Variants in NREP observed in about 807,000 individuals in gnomAD.
The protein encoded by NREP is neuronal regeneration related protein.
Under a neutral mutation model 8.6 loss-of-function variants are expected in NREP, and 5 were observed. The ratio of observed to expected loss-of-function variants is 0.58; its 90% CI spans 0.30 to 1.22. The LOEUF (loss-of-function observed/expected upper bound fraction) is 1.22, where lower values mean the gene tolerates loss of function less well. NREP is among the 50% of genes most tolerant of loss of function. The probability of loss-of-function intolerance (pLI) is 0.07; values close to 1 mark genes in which losing one functional copy is unlikely to be tolerated. For missense variants in NREP, 86 were observed against 82.5 expected (o/e 1.04, Z -0.17); for synonymous variants, 27 against 28.0 (o/e 0.96, Z 0.11).
intron 2 of NREP, among the ~76,000 whole-genome samples, chr5:111,888,790 G>T (rs977517132): frequency 6.6e-6 from 1 of 152,152 alleles, no homozygotes. Context: ...GAGATGGATT[G>T]AGCTGTATTT....
At chr5:111,941,598 T>C (rs1755831644) in intron 2 of NREP, among the ~76,000 whole-genome samples, 1 of 152,074 alleles carries the variant, frequency 6.6e-6, no homozygotes, top group South Asian at 2.1e-4. Context: ...TCTGAAGTAT[T>C]AGGGGGTTAG....
chr5:111,943,611 C>G (rs1207759928), intron 2 of NREP, among the ~76,000 whole-genome samples: 1 of 152,048 alleles, frequency 6.6e-6, no homozygotes. Context: ...GAAGCTATGC[C>G]TCTTTTTACA....
At chr5:111,734,508 A>C (rs1748920525) in intron 3 of NREP, 1 of 419,230 alleles carries the variant, frequency 2.4e-6, no homozygotes, top group Admixed American at 4.2e-5. Context: ...GCAAGATTAA[A>C]AGTGATTTAA....
rs371372176 is a variant in NREP, at chr5:111,811,716, T to A, written c.136-76209A>T. 8.1e-4 allele frequency among the ~76,000 whole-genome samples: 124 copies of A among 152,322 alleles called. 3 individuals carry two copies. The South Asian group carries it at 0.025, about 31-fold the overall frequency. ...TAGCAAAACTTTTGTTCAGAACTAATGTTAAACTGAAGCTCAGATGTGGTT... is the reference window on the plus strand; with the variant it reads ...TAGCAAAACTTTTGTTCAGAACTAAAGTTAAACTGAAGCTCAGATGTGGTT... On this transcript the variant is annotated intron_variant, in intron 2 of 3. Transcript: ENST00000395634.
chr5:111,967,629 G>A (rs1447663835), intron 2 of NREP, among the ~76,000 whole-genome samples: 8 of 151,738 alleles, frequency 5.3e-5, no homozygotes, highest in Non-Finnish European at 8.8e-5. Flanking sequence ...GCCTCTGCCC[G>A]GCCCCCGCCC....
At chr5:111,912,064 C>T (rs1193510228) in intron 2 of NREP, among the ~76,000 whole-genome samples, 1 of 152,070 alleles carries the variant, frequency 6.6e-6, no homozygotes, top group Admixed American at 6.6e-5. Context: ...TTTAGGAGAA[C>T]CAGCTTCTCT....
intron 2 of NREP, among the ~76,000 whole-genome samples, chr5:111,957,166 AAG>A (rs148766703): frequency 0.026 from 3,956 of 151,026 alleles, 78 homozygotes; most frequent in Non-Finnish European, 0.043. Flanking sequence ...GAAAGAGCAA[AAG>A]AGAGAGAGAG....
At chr5:111,829,354 G>T (rs1033493882) in intron 2 of NREP, among the ~76,000 whole-genome samples, 1 of 152,160 alleles carries the variant, frequency 6.6e-6, no homozygotes, top group Non-Finnish European at 1.5e-5. Context: ...GCAGGGGGAG[G>T]CTGGAGTCAG....
chr5:111,877,801 T>G (rs1753946323), intron 2 of NREP, among the ~76,000 whole-genome samples: 1 of 147,902 alleles, frequency 6.8e-6, no homozygotes, highest in Non-Finnish European at 1.5e-5. Flanking sequence ...GGGCCCTAAT[T>G]GAACTCTCAG....
At chr5:111,921,019 T>C (rs983088723) in intron 2 of NREP, among the ~76,000 whole-genome samples, 3 of 152,132 alleles carry the variant, frequency 2.0e-5, no homozygotes, top group African/African-American at 7.2e-5. Context: ...ATCTCTTAGG[T>C]TGCTCTTTGC....
intron 2 of NREP, among the ~76,000 whole-genome samples, chr5:111,821,655 T>TA (rs1397150435): frequency 6.6e-6 from 1 of 152,178 alleles, no homozygotes; most frequent in East Asian, 1.9e-4. Context: ...AGCCTGTTTT[T>TA]AAAAAAACAA....
chr5:111,883,762 T>C (rs1754152493), intron 2 of NREP, among the ~76,000 whole-genome samples: 1 of 152,102 alleles, frequency 6.6e-6, no homozygotes, highest in Admixed American at 6.5e-5. Context: ...ATAAAGATGT[T>C]CTTTGAAACC....
intron 2 of NREP, among the ~76,000 whole-genome samples, chr5:111,791,868 C>T (rs1224111531): frequency 3.3e-5 from 5 of 152,142 alleles, no homozygotes; most frequent in East Asian, 1.9e-4. Flanking sequence ...GGCTATGTTT[C>T]GAACTGCCTC....
chr5:111,743,084 G>T (rs1465888172), intron 2 of NREP, among the ~76,000 whole-genome samples: 2 of 152,090 alleles, frequency 1.3e-5, no homozygotes, highest in Non-Finnish European at 2.9e-5. Context: ...AGTAAACCAG[G>T]AGAAAAAGCA....
intron 2 of NREP, among the ~76,000 whole-genome samples, chr5:111,914,961 G>A (rs1398962939): frequency 6.6e-6 from 1 of 152,068 alleles, no homozygotes; most frequent in African/African-American, 2.4e-5. Flanking sequence ...CTTGAACTAT[G>A]TCTATGCATT....
At chr5:111,927,351 C>CA (rs1755417299) in intron 2 of NREP, among the ~76,000 whole-genome samples, 1 of 151,986 alleles carries the variant, frequency 6.6e-6, no homozygotes, top group South Asian at 2.1e-4. Flanking sequence ...ACATGATAAG[C>CA]AATCCAAAAA....
chr5:111,775,492 C>T (rs1751336032), intron 2 of NREP, among the ~76,000 whole-genome samples: 1 of 152,120 alleles, frequency 6.6e-6, no homozygotes, highest in Admixed American at 6.6e-5. Flanking sequence ...AAGTTTGCAA[C>T]ACAGCAGCCC....
intron 2 of NREP, among the ~76,000 whole-genome samples, chr5:111,801,508 T>A (rs1248578167): frequency 6.6e-6 from 1 of 152,214 alleles, no homozygotes; most frequent in African/African-American, 2.4e-5. Flanking sequence ...ATAGTTCCTT[T>A]TCTTTTCAGT....
intron 2 of NREP, among the ~76,000 whole-genome samples, chr5:111,903,464 A>G (rs1485514501): frequency 6.6e-6 from 1 of 152,154 alleles, no homozygotes; most frequent in African/African-American, 2.4e-5. Context: ...ATAAAGTTTA[A>G]TTTGAATAGA....
Sources: gnomAD v4.1 joint callset for allele counts (sites outside exome capture counted in the v4.1 genomes callset) on GRCh38, gnomAD v4.1.1 for gene constraint, MANE v1.5 for transcripts, NCBI Gene and HGNC (gene_info 2026-07-23, HGNC 2026-07-21) for gene names.